Variants in CFAP20DC observed in about 807,000 individuals in gnomAD.
CFAP20DC encodes CFAP20 domain containing, also known as protein CFAP20DC.
CFAP20DC carries 84 observed loss-of-function variants against 101.7 expected under a neutral mutation model. The observed-to-expected ratio is 0.83, with a 90% CI of 0.69 to 0.99. The LOEUF (loss-of-function observed/expected upper bound fraction) is 0.99. CFAP20DC is among the 50% of genes least tolerant of loss of function. The pLI is 0.00. For synonymous variants in CFAP20DC, 359 were observed against 351.2 expected (o/e 1.02, Z -0.25); for missense variants, 1,007 against 970.3 (o/e 1.04, Z -0.50).
chr3:59,026,291 A>AATTT (rs1394912174), intron 4 of CFAP20DC, among the ~76,000 whole-genome samples: 4 of 152,196 alleles, frequency 2.6e-5, no homozygotes, highest in Non-Finnish European at 5.9e-5. Flanking sequence ...TCTAGTTTAA[A>AATTT]AAAGAGCTGC....
At position 59,049,594 on chromosome 3, in the gene CFAP20DC, GA is replaced by G; in HGVS notation, c.21+16del. 1 of 1,535,724 alleles carries G rather than the reference GA, an allele frequency of 6.5e-7. No individual in the cohort carries two copies. Among genetic ancestry groups the G allele is most frequent in the Non-Finnish European group, 8.7e-7 (1 of 1,146,504 alleles). ...AGGAGAAAGGTATAGACAGGTTGGA[GA>G]ACCGTTTCGGGTTACCTGGTACTCA... On this transcript the variant is annotated intron_variant, in intron 1 of 16. Transcript: ENST00000482387.
At chr3:58,918,145 T>C (rs1475333680) in intron 5 of CFAP20DC, among the ~76,000 whole-genome samples, 1 of 152,202 alleles carries the variant, frequency 6.6e-6, no homozygotes, top group Non-Finnish European at 1.5e-5. Flanking sequence ...CATAGCTTTT[T>C]TTCTGAGATA....
At chr3:58,834,768 T>C (rs2076623966) in intron 13 of CFAP20DC, among the ~76,000 whole-genome samples, 1 of 152,140 alleles carries the variant, frequency 6.6e-6, no homozygotes, top group Admixed American at 6.6e-5. Flanking sequence ...CAAACAAATA[T>C]ACTAGGGGGG....
At chr3:59,023,869 T>C (rs184042942) in intron 4 of CFAP20DC, among the ~76,000 whole-genome samples, 1 of 152,196 alleles carries the variant, frequency 6.6e-6, no homozygotes, top group Admixed American at 6.5e-5. Flanking sequence ...TTGAACCATA[T>C]CAGTGGATTT....
In CFAP20DC at chr3:58,795,273, G is replaced by C. The variant is rs2073155090; in HGVS notation, c.2237+11122C>G. On this transcript the variant is annotated intron_variant, in intron 15 of 16. Transcript: ENST00000482387. This position sits in a 1 kb window ranked among gnomAD's most constrained non-coding sequence, Gnocchi z 4.2. ...GTGGGCCAAAGGTAATCTGAGTTCA[G>C]CATCTGGATGGATAACAATTGCTGG... is the stretch of plus-strand genomic sequence containing the variant. 6.6e-6 allele frequency among the ~76,000 whole-genome samples: 1 copy of C among 152,222 alleles called. No homozygotes were observed. Among genetic ancestry groups the C allele is most frequent in the African/African-American group, 2.4e-5 (1 of 41,456 alleles).
intron 15 of CFAP20DC, among the ~76,000 whole-genome samples, chr3:58,775,089 A>G (rs1049088994): frequency 5.3e-5 from 8 of 152,184 alleles, no homozygotes; most frequent in Admixed American, 2.0e-4. Context: ...AGTCCTGACG[A>G]CGTGTGTCCA....
At position 58,864,477 on chromosome 3, in the gene CFAP20DC, A is replaced by T. The variant is rs1330514771; in HGVS notation, c.1259-585T>A. Among the ~76,000 whole-genome samples the T allele has an allele frequency of 6.6e-6, 1 of 152,220 alleles. No homozygotes were observed. Among genetic ancestry groups the T allele is most frequent in the Non-Finnish European group, 1.5e-5 (1 of 68,040 alleles). ...GGAAATTTGTAAGTCTGAAATAATT[A>T]TCACCTGTCTTGCAGCAAGTTCTTT... On this transcript the variant is annotated intron_variant, in intron 11 of 16. Transcript: ENST00000482387. The surrounding 1 kb of genome is among the most constrained non-coding windows in gnomAD (Gnocchi z 4.7).
At chr3:58,952,017 G>A (rs2108057907) in intron 4 of CFAP20DC, among the ~76,000 whole-genome samples, 1 of 152,294 alleles carries the variant, frequency 6.6e-6, no homozygotes, top group South Asian at 2.1e-4. Context: ...GAAAGGCTGG[G>A]CAATTTGCAA....
At chr3:58,733,210 T>C (rs1026243015) in intron 3 of CFAP20DC, among the ~76,000 whole-genome samples, 1 of 152,200 alleles carries the variant, frequency 6.6e-6, no homozygotes, top group Non-Finnish European at 1.5e-5. Context: ...CGCATGCCTG[T>C]AGTCCCAGCT....
intron 6 of CFAP20DC, among the ~76,000 whole-genome samples, chr3:58,900,820 C>T (rs541564879): frequency 1.3e-5 from 2 of 152,122 alleles, no homozygotes; most frequent in Non-Finnish European, 2.9e-5. Flanking sequence ...CTTTCTTTGG[C>T]CATAAAGCCA....
intron 2 of CFAP20DC, 27 bp from the exon 3 acceptor site, chr3:59,046,349 TATCACAGGA>T: frequency 7.5e-7 from 1 of 1,333,574 alleles, no homozygotes. Context: ...AAACAGTAGT[TATCACAGGA>T]TATTTTATTT....
intron 12 of CFAP20DC, among the ~76,000 whole-genome samples, chr3:58,849,749 C>G (rs2078058305): frequency 6.6e-6 from 1 of 152,096 alleles, no homozygotes; most frequent in Non-Finnish European, 1.5e-5. Flanking sequence ...TCTAAAACAT[C>G]TAAGAATCGT....
rs1007839962 is a variant in CFAP20DC at position 58,849,000 on chromosome 3, C to T, written c.1971+32G>A. ...AACGGAACACAGCAGGATGTATTGC[C>T]GGCATCTGTAAACCACACGGGAACC... On this transcript the variant is annotated intron_variant, in intron 13 of 16. Transcript: ENST00000482387. The T allele has an allele frequency of 5.3e-6, 8 of 1,523,378 alleles. No homozygotes were observed. In the African/African-American group the frequency reaches 9.7e-5, roughly 18 times the overall value. 94.4% of individuals were successfully genotyped at this position (1,523,378 alleles called of 1,614,324 possible). A position where few individuals can be genotyped will look rare whatever the true frequency, so the allele number is the denominator to read the frequency against.
chr3:58,858,792 A>G (rs2079030089), intron 12 of CFAP20DC, among the ~76,000 whole-genome samples: 1 of 152,220 alleles, frequency 6.6e-6, no homozygotes, highest in Non-Finnish European at 1.5e-5. Flanking sequence ...CATGTTAGTA[A>G]CTAAGTGTGT....
At chr3:58,741,702 T>TC (rs2067892201), downstream of CFAP20DC, among the ~76,000 whole-genome samples, 1 of 152,076 alleles carries the variant, frequency 6.6e-6, no homozygotes, top group African/African-American at 2.4e-5. Flanking sequence ...TTCACTGTGT[T>TC]AGCCAGGATG....
At chr3:58,735,428 C>A (rs968778084) in intron 3 of CFAP20DC, among the ~76,000 whole-genome samples, 8 of 152,186 alleles carry the variant, frequency 5.3e-5, no homozygotes, top group Non-Finnish European at 1.2e-4. Context: ...CAAATGAAAT[C>A]CATCAAGTGA....
intron 14 of CFAP20DC, among the ~76,000 whole-genome samples, chr3:58,817,664 T>A (rs1326170786): frequency 6.8e-6 from 1 of 147,100 alleles, no homozygotes; most frequent in African/African-American, 2.5e-5. Context: ...CTACGTCTGA[T>A]TGGTGTACCT....
chr3:58,813,415 T>C (rs917236731), intron 14 of CFAP20DC, among the ~76,000 whole-genome samples: 2 of 151,954 alleles, frequency 1.3e-5, no homozygotes, highest in African/African-American at 4.8e-5. Flanking sequence ...AACATTCTCA[T>C]TTTATTACAA....
At chr3:58,923,254 C>T (rs1052478590) in intron 5 of CFAP20DC, among the ~76,000 whole-genome samples, 17 of 152,146 alleles carry the variant, frequency 1.1e-4, no homozygotes, top group South Asian at 1.0e-3. Context: ...TACTTTTAAA[C>T]GAATTGTAAT....
Sources: gnomAD v4.1 joint callset for allele counts (sites outside exome capture counted in the v4.1 genomes callset) on GRCh38, gnomAD v4.1.1 for gene constraint, Gnocchi (gnomAD v3.1) non-coding constraint, MANE v1.5 for transcripts, NCBI Gene and HGNC (gene_info 2026-07-23, HGNC 2026-07-21) for gene names.